Variants in LHFPL3 observed in about 807,000 individuals in gnomAD.
LHFPL3 encodes the protein LHFPL tetraspan subfamily member 3.
In LHFPL3, 5 loss-of-function variants were observed where a neutral mutation model predicts 19.3. That is an observed-to-expected ratio of 0.26 (90% confidence interval 0.14 to 0.54). LHFPL3 has a LOEUF of 0.54. LHFPL3 is among the 20% of genes least tolerant of loss of function. The pLI is 0.94. For synonymous variants in LHFPL3, 133 were observed against 126.2 expected, an observed-to-expected ratio of 1.05 and a Z score of -0.36; for missense variants, 249 against 307.4, an observed-to-expected ratio of 0.81 and a Z score of 1.42.
At position 104,543,665 on chromosome 7, in the gene LHFPL3, CA is replaced by C. The variant is rs1185926808; in HGVS notation, c.446-193003del. 3.5e-5 allele frequency among the ~76,000 whole-genome samples: 5 copies of C among 144,846 alleles called. No homozygotes were observed. In the East Asian group the frequency reaches 8.3e-4, roughly 24 times the overall value. On this transcript the variant is annotated intron_variant, in intron 1 of 2. Transcript: ENST00000424859. ...CATTCTCAGCAAACTATCGCAAGGA[CA>C]AAAAAACCAAACACCACATGTTCTC... is the stretch of plus-strand genomic sequence containing the variant.
intron 2 of LHFPL3, among the ~76,000 whole-genome samples, chr7:104,769,881 C>T (rs982048159): frequency 3.3e-5 from 5 of 151,958 alleles, no homozygotes; most frequent in Admixed American, 1.3e-4. Flanking sequence ...ACGTCATTTG[C>T]GGGGACATGG....
At chr7:104,440,035 T>TGGG (rs1554394354) in intron 1 of LHFPL3, among the ~76,000 whole-genome samples, 1 of 84,888 alleles carries the variant, frequency 1.2e-5, no homozygotes, top group African/African-American at 3.5e-5. Flanking sequence ...ATACAAAGCC[T>TGGG]GGGGGGGGGG....
At chr7:104,557,466 A>G (rs1273830686) in intron 1 of LHFPL3, among the ~76,000 whole-genome samples, 1 of 152,120 alleles carries the variant, frequency 6.6e-6, no homozygotes, top group Non-Finnish European at 1.5e-5. Flanking sequence ...TCATGAGAAC[A>G]TGAGAACAGC....
At chr7:104,647,254 G>A (rs1224439458) in intron 1 of LHFPL3, among the ~76,000 whole-genome samples, 2 of 152,000 alleles carry the variant, frequency 1.3e-5, no homozygotes, top group African/African-American at 4.8e-5. Context: ...CCTTTTTTCA[G>A]ACAGGCTCAT....
chr7:104,482,735 C>G (rs1296909615), intron 1 of LHFPL3, among the ~76,000 whole-genome samples: 3 of 152,190 alleles, frequency 2.0e-5, no homozygotes, highest in African/African-American at 7.2e-5. Context: ...AGATTTAGAA[C>G]CCAAAAGGCA....
At chr7:104,843,846 A>T (rs1455261393) in intron 2 of LHFPL3, among the ~76,000 whole-genome samples, 1 of 152,180 alleles carries the variant, frequency 6.6e-6, no homozygotes, top group Non-Finnish European at 1.5e-5. Flanking sequence ...ACAAGCCATT[A>T]ATCTGAGTTT....
chr7:104,898,918 A>T (rs1273408084), intron 2 of LHFPL3, among the ~76,000 whole-genome samples: 1 of 151,862 alleles, frequency 6.6e-6, no homozygotes, highest in Admixed American at 6.6e-5. Context: ...GGAGTTCGAG[A>T]CCAGCCTTGA....
At chr7:104,812,109 G>A (rs1467053491) in intron 2 of LHFPL3, among the ~76,000 whole-genome samples, 1 of 152,190 alleles carries the variant, frequency 6.6e-6, no homozygotes, top group Non-Finnish European at 1.5e-5. Flanking sequence ...CTTTCTGTTT[G>A]TTGTCAATGC....
chr7:104,874,721 ATTCT>A (rs1791904989), intron 2 of LHFPL3, among the ~76,000 whole-genome samples: 1 of 151,970 alleles, frequency 6.6e-6, no homozygotes, highest in Non-Finnish European at 1.5e-5. Context: ...CACAGAGGTA[ATTCT>A]TTCTTATGCT....
chr7:104,432,283 G>T (rs1792017110), intron 1 of LHFPL3, among the ~76,000 whole-genome samples: 1 of 152,102 alleles, frequency 6.6e-6, no homozygotes, highest in African/African-American at 2.4e-5. Context: ...TGATTTTGGG[G>T]AAGGAAGTCA....
chr7:104,571,779 C>T (rs1380156374), intron 1 of LHFPL3, among the ~76,000 whole-genome samples: 2 of 152,164 alleles, frequency 1.3e-5, no homozygotes, highest in Non-Finnish European at 2.9e-5. Context: ...CAGGGCTAAA[C>T]CTTCTCACTA....
At chr7:104,620,508 G>T (rs1791424921) in intron 1 of LHFPL3, among the ~76,000 whole-genome samples, 1 of 152,122 alleles carries the variant, frequency 6.6e-6, no homozygotes, top group South Asian at 2.1e-4. Context: ...GTGATTCTTT[G>T]AATGCTTTCA....
chr7:104,586,825 G>A (rs541074244), intron 1 of LHFPL3, among the ~76,000 whole-genome samples: 70 of 152,140 alleles, frequency 4.6e-4, no homozygotes, highest in Non-Finnish European at 8.4e-4. Context: ...TTCTGGCCAA[G>A]CACATTAACA....
At chr7:104,371,061 G>A (rs1200378148) in intron 1 of LHFPL3, among the ~76,000 whole-genome samples, 1 of 152,084 alleles carries the variant, frequency 6.6e-6, no homozygotes, top group African/African-American at 2.4e-5. Flanking sequence ...TGCATGGTTT[G>A]CCAGCAAAGC....
intron 1 of LHFPL3, among the ~76,000 whole-genome samples, chr7:104,579,457 A>G (rs1209670052): frequency 6.6e-6 from 1 of 152,174 alleles, no homozygotes; most frequent in Admixed American, 6.5e-5. Context: ...ATAATGGCCC[A>G]CACCTCTATC....
chr7:104,366,475 CAGAA>C (rs1362655721), intron 1 of LHFPL3, among the ~76,000 whole-genome samples: 2 of 152,162 alleles, frequency 1.3e-5, no homozygotes, highest in African/African-American at 4.8e-5. Context: ...AAGATGAAGA[CAGAA>C]AGCAAATTCT....
intron 1 of LHFPL3, among the ~76,000 whole-genome samples, chr7:104,406,753 G>A (rs762813636): frequency 3.3e-5 from 5 of 152,216 alleles, no homozygotes; most frequent in Admixed American, 6.5e-5. Flanking sequence ...GAAACAATAG[G>A]TATTCACTGA....
chr7:104,871,233 A>T (rs1324369847), intron 2 of LHFPL3, among the ~76,000 whole-genome samples: 6 of 152,244 alleles, frequency 3.9e-5, no homozygotes, highest in Non-Finnish European at 8.8e-5. Context: ...CTGCAAACCC[A>T]TATGGTATGC....
chr7:104,444,592 C>T (rs916868492), intron 1 of LHFPL3, among the ~76,000 whole-genome samples: 2 of 152,198 alleles, frequency 1.3e-5, no homozygotes, highest in African/African-American at 2.4e-5. Flanking sequence ...TTCCAAATTA[C>T]AGTCACTATA....
Sources: allele counts gnomAD v4.1 joint callset (sites outside exome capture counted in the v4.1 genomes callset), GRCh38; gene constraint gnomAD v4.1.1; transcripts MANE v1.5; gene names NCBI Gene and HGNC (gene_info 2026-07-23, HGNC 2026-07-21).